The following STK32C variants were observed in gnomAD, a reference collection of about 807,000 sequenced individuals.
The protein encoded by STK32C is serine/threonine kinase 32C, also known as serine/threonine-protein kinase 32C.
In STK32C, 31 loss-of-function variants were observed where a neutral mutation model predicts 56.5. The observed-to-expected ratio is 0.55, with a 90% CI of 0.41 to 0.74. The LOEUF (loss-of-function observed/expected upper bound fraction) is 0.74. STK32C is among the 30% of genes least tolerant of loss of function. The pLI is 0.00. For missense variants in STK32C, 544 were observed against 676.9 expected (o/e 0.80, Z 2.18); for synonymous variants, 309 against 289.4 (o/e 1.07, Z -0.69).
chr10:132,266,697 G>T (rs915872727), intron 1 of STK32C, among the ~76,000 whole-genome samples: 1 of 151,954 alleles, frequency 6.6e-6, no homozygotes. Context: ...AGGAAGGAAC[G>T]CGGGCGTGGG....
chr10:132,298,512 C>A (rs942130997), intron 1 of STK32C, among the ~76,000 whole-genome samples: 1 of 152,174 alleles, frequency 6.6e-6, no homozygotes, highest in Non-Finnish European at 1.5e-5. Flanking sequence ...GCTGGACTTG[C>A]TCACTTGCTC....
chr10:132,279,707 C>CGACACTCCACTCCGTGATCAT (rs71472738), intron 1 of STK32C, among the ~76,000 whole-genome samples: 55,671 of 146,674 alleles, frequency 0.38, 11,530 homozygotes, highest in African/African-American at 0.51. Flanking sequence ...TCCGTGATCA[C>CGACACTCCACTCCGTGATCAT]GACACTCCAC....
chr10:132,216,711 C>T (rs1423462599), intron 10 of STK32C, among the ~76,000 whole-genome samples: 1 of 152,196 alleles, frequency 6.6e-6, no homozygotes, highest in Non-Finnish European at 1.5e-5. Context: ...TGCACTGCAT[C>T]CCAGCTGCTC....
intron 1 of STK32C, among the ~76,000 whole-genome samples, chr10:132,303,309 A>G (rs2065964727): frequency 6.6e-6 from 1 of 152,258 alleles, no homozygotes; most frequent in African/African-American, 2.4e-5. Flanking sequence ...AAAAAGTGAA[A>G]CCACAGAAGC....
Position 132,255,853 on chromosome 10 carries a change from C to T in STK32C, c.263-9898G>A, listed in dbSNP as rs2064101570. Among the ~76,000 whole-genome samples, 3 of 152,192 alleles carry T rather than the reference C, an allele frequency of 2.0e-5. No individual in the cohort carries two copies. Among genetic ancestry groups the T allele is most frequent in the South Asian group, 2.1e-4 (1 of 4,828 alleles). ...ATTACGTGCGCTGCCCACGCATCTCCGAGGGCCCAGCTGGCCACCTTCTCC... is the reference window on the plus strand; with the variant it reads ...ATTACGTGCGCTGCCCACGCATCTCTGAGGGCCCAGCTGGCCACCTTCTCC... On this transcript the variant is annotated intron_variant, in intron 1 of 11. Coordinates refer to ENST00000298630, the MANE Select transcript of STK32C (RefSeq NM_173575.4). The surrounding 1 kb of genome is among the most constrained non-coding windows in gnomAD (Gnocchi z 4.6).
At chr10:132,318,936 A>T (rs888821166) in intron 1 of STK32C, among the ~76,000 whole-genome samples, 1 of 151,558 alleles carries the variant, frequency 6.6e-6, no homozygotes, top group African/African-American at 2.4e-5. Flanking sequence ...TGTTAAAGTG[A>T]TGCAGCTACT....
intron 11 of STK32C, among the ~76,000 whole-genome samples, chr10:132,208,746 G>A (rs905698506): frequency 2.0e-5 from 3 of 151,588 alleles, no homozygotes; most frequent in African/African-American, 7.3e-5. Flanking sequence ...GGGAGTTGAC[G>A]TGGCTCTGAT....
chr10:132,239,484 C>T (rs1194483977), intron 2 of STK32C, among the ~76,000 whole-genome samples: 1 of 152,252 alleles, frequency 6.6e-6, no homozygotes, highest in Non-Finnish European at 1.5e-5. Context: ...TCCCCAGGGG[C>T]ACCGCACACT....
At chr10:132,331,299 T>C (rs1211872699) in intron 1 of STK32C, 2 of 856,534 alleles carry the variant, frequency 2.3e-6, no homozygotes, top group Non-Finnish European at 3.5e-6. Flanking sequence ...GGGTGCTACT[T>C]TTCATTATCA....
upstream of STK32C, among the ~76,000 whole-genome samples, chr10:132,308,842 G>T (rs2066164660): frequency 6.6e-6 from 1 of 152,208 alleles, no homozygotes. Flanking sequence ...GCGACCTTGC[G>T]CGGAAAGTGC....
downstream of STK32C, among the ~76,000 whole-genome samples, chr10:132,321,512 C>G (rs1367679108): frequency 2.0e-5 from 3 of 152,158 alleles, no homozygotes; most frequent in Non-Finnish European, 1.5e-5. Flanking sequence ...TTCATTCACC[C>G]TCTGGTCTGT....
chr10:132,271,253 C>T (rs114242135), intron 1 of STK32C, among the ~76,000 whole-genome samples: 1,600 of 152,272 alleles, frequency 0.011, 29 homozygotes, highest in African/African-American at 0.034. Flanking sequence ...TCGGCCTCCA[C>T]GTGGCAGTGG....
At position 132,261,534 on chromosome 10, in the gene STK32C, G is replaced by A. The variant is rs369611553; in HGVS notation, c.263-15579C>T. 2.6e-5 allele frequency among the ~76,000 whole-genome samples: 4 copies of A among 152,222 alleles called. No homozygotes were observed. The South Asian group carries it at 6.2e-4, about 24-fold the overall frequency. On this transcript the variant is annotated intron_variant, in intron 1 of 11. Transcript: ENST00000298630. The stretch of plus-strand genomic sequence containing the variant: ...AATCCCAGCACTTTGGGAGGCCAAG[G>A]CAGGTGGATCACCTGAGGTCAGGAG...
At chr10:132,297,055 CCT>C (rs1564787941) in intron 1 of STK32C, among the ~76,000 whole-genome samples, 1 of 152,250 alleles carries the variant, frequency 6.6e-6, no homozygotes, top group Admixed American at 6.5e-5. Context: ...ACTCACCACC[CCT>C]TTCACCTTTT....
rs1208318508 is a variant in STK32C, at chr10:132,255,922, C to T, written c.263-9967G>A. On this transcript the variant is annotated intron_variant, in intron 1 of 11. Coordinates refer to ENST00000298630, the MANE Select transcript of STK32C (RefSeq NM_173575.4). The surrounding 1 kb of genome is among the most constrained non-coding windows in gnomAD (Gnocchi z 4.6). ...CCCAGGGGCAGACCCCCATGACCAG[C>T]AGCCTGCAGCCTCTGCACACCCTGG... Among the ~76,000 whole-genome samples the T allele has an allele frequency of 2.0e-5, 3 of 152,234 alleles. No homozygotes were observed. Among genetic ancestry groups the T allele is most frequent in the Non-Finnish European group, 4.4e-5 (3 of 68,028 alleles).
At chr10:132,238,262 C>A (rs2063365693) in intron 2 of STK32C, among the ~76,000 whole-genome samples, 1 of 152,226 alleles carries the variant, frequency 6.6e-6, no homozygotes, top group African/African-American at 2.4e-5. Context: ...CCACATGATT[C>A]AGGAGATGCC....
chr10:132,271,489 G>T (rs1412889926), intron 1 of STK32C, among the ~76,000 whole-genome samples: 1 of 152,110 alleles, frequency 6.6e-6, no homozygotes, highest in Non-Finnish European at 1.5e-5. Flanking sequence ...CCTGAGGCTG[G>T]CCCCACACCT....
chr10:132,291,377 T>C (rs2138303192), intron 1 of STK32C, among the ~76,000 whole-genome samples: 1 of 152,342 alleles, frequency 6.6e-6, no homozygotes, highest in South Asian at 2.1e-4. Context: ...TATGTCATCC[T>C]TGTGAGGATG....
chr10:132,263,090 G>T (rs1055317316), intron 1 of STK32C, among the ~76,000 whole-genome samples: 3 of 152,196 alleles, frequency 2.0e-5, no homozygotes, highest in African/African-American at 7.2e-5. Flanking sequence ...CCCATTATGG[G>T]TACGTATCCA....
Sources: allele counts gnomAD v4.1 joint callset (sites outside exome capture counted in the v4.1 genomes callset), GRCh38; gene constraint gnomAD v4.1.1; non-coding constraint Gnocchi (gnomAD v3.1); transcripts MANE v1.5; gene names NCBI Gene and HGNC (gene_info 2026-07-23, HGNC 2026-07-21).